Variants in VWA2 observed in about 807,000 individuals in gnomAD.
VWA2 encodes von Willebrand factor A domain containing 2, also known as von Willebrand factor A domain-containing protein 2.
Under a neutral mutation model 70.4 loss-of-function variants are expected in VWA2, and 73 were observed. That is an observed-to-expected ratio of 1.04 (90% CI 0.86 to 1.26). The LOEUF (loss-of-function observed/expected upper bound fraction) is 1.26. VWA2 is among the 50% of genes most tolerant of loss of function. The pLI, the probability that VWA2 is intolerant of heterozygous loss-of-function variation, is 0.00. For synonymous variants in VWA2, 407 were observed against 423.3 expected (o/e 0.96, Z 0.47); for missense variants, 1,011 against 998.5 (o/e 1.01, Z -0.17).
chr10:114,241,406 C>T (rs2036971895), intron 1 of VWA2, among the ~76,000 whole-genome samples: 1 of 152,180 alleles, frequency 6.6e-6, no homozygotes, highest in African/African-American at 2.4e-5. Flanking sequence ...GATCTTTCTA[C>T]TGTCTCAATA....
At chr10:114,287,425 C>A (rs1470303477) in intron 11 of VWA2, among the ~76,000 whole-genome samples, 1 of 152,106 alleles carries the variant, frequency 6.6e-6, no homozygotes, top group Non-Finnish European at 1.5e-5. Context: ...AAGCAATCCA[C>A]CCACCTCAGC....
rs2037291259 is a variant in VWA2 at position 114,254,984 on chromosome 10, G to C, written c.197G>C (p.Ser66Thr). 6.2e-7 allele frequency: 1 copy of C among 1,613,312 alleles called. No homozygotes were observed. The highest frequency in any genetic ancestry group is 8.5e-7 in the Non-Finnish European group (1 of 1,179,966). Residue 66 changes from serine to threonine, a missense_variant, in exon 4 of 14, where the codon AGC becomes ACC. Physicochemically the swap from Ser to Thr is moderately conservative, Grantham distance 58. Transcript: ENST00000392982. Reference protein sequence around the residue: ...LDGSNSVGKGSFERSKHFAIT... With the variant: ...LDGSNSVGKGTFERSKHFAIT... ...GGGTCTAACAGCGTCGGGAAAGGGAGCTTTGAAAGGTCCAAGCACTTTGCC... is the reference window on the plus strand; with the variant it reads ...GGGTCTAACAGCGTCGGGAAAGGGACCTTTGAAAGGTCCAAGCACTTTGCC...
intron 5 of VWA2, among the ~76,000 whole-genome samples, chr10:114,270,791 G>A (rs577946805): frequency 3.3e-5 from 5 of 152,278 alleles, no homozygotes; most frequent in Admixed American, 3.3e-4. Context: ...TGGCGTGAGT[G>A]TAGTCTTCCT....
At chr10:114,257,063 A>G (rs1262557863) in intron 4 of VWA2, among the ~76,000 whole-genome samples, 1 of 152,184 alleles carries the variant, frequency 6.6e-6, no homozygotes, top group African/African-American at 2.4e-5. Flanking sequence ...TCTAGGATTT[A>G]GAAACATACA....
intron 11 of VWA2, among the ~76,000 whole-genome samples, chr10:114,287,269 C>G (rs1334911856): frequency 1.3e-5 from 2 of 152,190 alleles, no homozygotes; most frequent in African/African-American, 4.8e-5. Context: ...CAGCCTTGAA[C>G]TCCTGGGCTC....
intron 1 of VWA2, among the ~76,000 whole-genome samples, chr10:114,240,032 C>T (rs1477282478): frequency 1.3e-5 from 2 of 152,228 alleles, no homozygotes; most frequent in Non-Finnish European, 2.9e-5. Flanking sequence ...CCACCCCACA[C>T]CCCACTACAG....
In VWA2 at chr10:114,292,255, C is replaced by T. The variant is rs2039672151; in HGVS notation, c.*1018C>T. On this transcript the variant is annotated 3_prime_UTR_variant, in exon 14 of 14. Coordinates refer to ENST00000392982, the MANE Select transcript of VWA2 (RefSeq NM_001272046.2). ...TCTCACCACTGCACTCCAGCCTGGG[C>T]AACAAGAGTAAAAATCTGTCTCAAA... Among the ~76,000 whole-genome samples, 1 of 151,934 alleles carries T rather than the reference C, an allele frequency of 6.6e-6. No homozygotes were observed. The highest frequency in any genetic ancestry group is 6.6e-5 in the Admixed American group (1 of 15,252).
At chr10:114,256,719 G>C (rs1477084787) in intron 4 of VWA2, among the ~76,000 whole-genome samples, 1 of 152,038 alleles carries the variant, frequency 6.6e-6, no homozygotes, top group African/African-American at 2.4e-5. Context: ...GACCGTCCTG[G>C]CTAACATGAT....
chr10:114,272,878 C>G lies in VWA2; in HGVS notation c.510C>G (p.Ser170=), dbSNP rs766163713. The change falls in exon 6 of 14, where the codon TCC becomes TCG. Residue 170 remains serine, a synonymous_variant. Transcript: ENST00000392982. ...GKSQGDVALP[S]KQLKERGVTV... ...CCCAGGGGGATGTGGCACTGCCATC[C>G]AAGCAGCTGAAGGAAAGGGGTGTCA... 6.2e-7 allele frequency: 1 copy of G among 1,613,816 alleles called. No individual in the cohort carries two copies. The highest frequency in any genetic ancestry group is 8.5e-7 in the Non-Finnish European group (1 of 1,179,886).
chr10:114,270,361 G>A lies in VWA2; in HGVS notation c.372-2379G>A, dbSNP rs561473585. Among the ~76,000 whole-genome samples the A allele has an allele frequency of 1.2e-4, 18 of 152,276 alleles. No individual in the cohort carries two copies. In the South Asian group the frequency reaches 2.5e-3, roughly 21 times the overall value. ...CTCCTCTATTCCAGAGAGCTGTGGC[G>A]AGAATTATATGATAATATGCTAAGC... On this transcript the variant is annotated intron_variant, in intron 5 of 13. Transcript: ENST00000392982.
rs116002781 is a variant in VWA2, at chr10:114,284,398, C to T, written c.890-465C>T. Among the ~76,000 whole-genome samples, 669 of 152,176 alleles carry T rather than the reference C, an allele frequency of 4.4e-3. 7 individuals are homozygous for T. Among genetic ancestry groups the T allele is most frequent in the African/African-American group, 0.015 (607 of 41,512 alleles). On this transcript the variant is annotated intron_variant, in intron 9 of 13. Coordinates refer to ENST00000392982, the MANE Select transcript of VWA2 (RefSeq NM_001272046.2). ...AGATGGGAGAGGTTAATTAAGGTGC[C>T]GGAGGAAGTGGAAGAGGCCACATTC... is the stretch of plus-strand genomic sequence containing the variant.
intron 4 of VWA2, among the ~76,000 whole-genome samples, chr10:114,257,357 TAAAG>T (rs1413680363): frequency 6.6e-6 from 1 of 152,168 alleles, no homozygotes; most frequent in African/African-American, 2.4e-5. Flanking sequence ...AGGAATAACA[TAAAG>T]AGAAGAAGCA....
chr10:114,261,262 A>C lies in VWA2; in HGVS notation c.338A>C (p.Glu113Ala). Residue 113 changes from glutamate (E) to alanine (A), a missense_variant, in exon 5 of 14, where the codon GAA becomes GCA. Transcript: ENST00000392982. ...FPLDSFSTQQ[E>A]VKARIKRMVF... is the part of the protein sequence containing the mutation. ...TTGGATTCATTTTCAACCCAACAGG[A>C]AGTGAAGGCAAGAATCAAGAGGATG... The C allele has an allele frequency of 1.2e-6, 2 of 1,614,132 alleles. No individual in the cohort carries two copies. The highest frequency in any genetic ancestry group is 1.7e-6 in the Non-Finnish European group (2 of 1,179,994).
rs371453578 is a variant in VWA2 at position 114,254,927 on chromosome 10, C to T, written c.140C>T (p.Ser47Leu). ...ISAASKMMWC[S>L]AAVDIMFLLD... ...CCGCTCTCCCTAGTGATGTGGTGCT[C>T]GGCTGCAGTGGACATCATGTTTCTG... is the stretch of plus-strand genomic sequence containing the variant. The change falls in exon 4 of 14, where the codon TCG (serine) becomes TTG (leucine). Residue 47 changes from serine (S) to leucine (L), a missense_variant. By Grantham distance (145) the Ser-to-Leu change is moderately radical (BLOSUM62 -2). Coordinates refer to ENST00000392982, the MANE Select transcript of VWA2 (RefSeq NM_001272046.2). 1.3e-5 allele frequency: 21 copies of T among 1,613,104 alleles called. No homozygotes were observed. Among genetic ancestry groups the T allele is most frequent in the African/African-American group, 9.3e-5 (7 of 74,886 alleles).
At chr10:114,284,995 A>C (rs1456993095) in intron 10 of VWA2, 25 bp downstream of exon 10, 24 of 1,539,214 alleles carry the variant, frequency 1.6e-5, no homozygotes, top group Non-Finnish European at 1.9e-5. Flanking sequence ...GCCCTGCAAG[A>C]CTGACCACTG....
chr10:114,264,099 T>C (rs2037507747), intron 5 of VWA2, among the ~76,000 whole-genome samples: 1 of 152,196 alleles, frequency 6.6e-6, no homozygotes. Flanking sequence ...GGTTTGGCAG[T>C]TCCTCAAAAT....
chr10:114,248,187 T>C (rs2037114499), intron 1 of VWA2, among the ~76,000 whole-genome samples: 1 of 152,038 alleles, frequency 6.6e-6, no homozygotes, highest in Non-Finnish European at 1.5e-5. Context: ...ATAATTTAGA[T>C]AGTGCAGGCT....
intron 12 of VWA2, 112 bp downstream of exon 12, chr10:114,289,601 C>A: frequency 1.6e-6 from 2 of 1,253,440 alleles, no homozygotes; most frequent in Non-Finnish European, 2.3e-6. Context: ...TGAGCACTTG[C>A]TTCCCAAGTG....
At chr10:114,254,122 A>G (rs986784199) in intron 3 of VWA2, among the ~76,000 whole-genome samples, 1 of 151,564 alleles carries the variant, frequency 6.6e-6, no homozygotes, top group Non-Finnish European at 1.5e-5. Context: ...CCCAGGCTGG[A>G]GTGCGATGGC....
Sources: allele counts gnomAD v4.1 joint callset (sites outside exome capture counted in the v4.1 genomes callset), GRCh38; gene constraint gnomAD v4.1.1; transcripts MANE v1.5; gene names NCBI Gene and HGNC (gene_info 2026-07-23, HGNC 2026-07-21).